SIL1: variants seen among roughly 807,000 people sequenced by gnomAD.
SIL1 encodes the protein SIL1 nucleotide exchange factor.
SIL1 carries 40 observed loss-of-function variants against 49.1 expected under a neutral mutation model. The observed-to-expected ratio is 0.81, with a 90% CI of 0.63 to 1.06. SIL1 has a LOEUF of 1.06. Among genes scored for constraint, SIL1 ranks in the 50% least tolerant of loss-of-function variants. The probability of loss-of-function intolerance (pLI) is 0.00; values close to 1 mark genes in which losing one functional copy is unlikely to be tolerated. For missense variants in SIL1, 500 were observed against 572.6 expected (o/e 0.87, Z 1.29); for synonymous variants, 253 against 250.8 (o/e 1.01, Z -0.08).
rs60694872 is a variant in SIL1, at chr5:139,106,139, G to GTA, written c.244+14894_244+14895dup. Among the ~76,000 whole-genome samples, 910 of 152,306 alleles carry GTA rather than the reference G, an allele frequency of 6.0e-3. 4 individuals are homozygous for GTA. The highest frequency in any genetic ancestry group is 0.02 in the African/African-American group (837 of 41,568). On this transcript the variant is annotated intron_variant, in intron 3 of 9. Transcript: ENST00000394817. ...TGCTAGTGCTCTAGCCTGAGCAAAG[G>GTA]TATAGCAAAAGGCTTGATTTCCAGC...
intron 1 of SIL1, chr5:139,128,139 G>C (rs891851780): frequency 1.4e-5 from 6 of 417,230 alleles, no homozygotes; most frequent in African/African-American, 1.2e-4. Context: ...CTTGTTATCA[G>C]GTTGTGGCGG....
At chr5:139,012,247 G>C (rs1392169043) in intron 7 of SIL1, 1 of 151,904 alleles carries the variant, frequency 6.6e-6, no homozygotes, top group African/African-American at 2.4e-5. Context: ...TAGAGACGGG[G>C]TCTCCTTATG....
At chr5:139,065,053 G>A (rs189102972) in intron 3 of SIL1, among the ~76,000 whole-genome samples, 13 of 152,264 alleles carry the variant, frequency 8.5e-5, no homozygotes, top group Non-Finnish European at 1.8e-4. Flanking sequence ...AGTGTTAATC[G>A]GCTCTCAATA....
At chr5:139,041,909 G>A (rs1769057315) in intron 5 of SIL1, among the ~76,000 whole-genome samples, 2 of 151,934 alleles carry the variant, frequency 1.3e-5, no homozygotes, top group Admixed American at 6.5e-5. Context: ...ATCAGAGAAG[G>A]TTCTTTCAAA....
In SIL1 at chr5:139,057,316, A is replaced by T. The variant is rs1020712799; in HGVS notation, c.245-6270T>A. The stretch of plus-strand genomic sequence containing the variant: ...GAGAAACACCCAAGAATGATCAATA[A>T]AAAAAAAAAAAAGAAAAGAAAAGAA... On this transcript the variant is annotated intron_variant, in intron 3 of 9. Coordinates refer to ENST00000394817, the MANE Select transcript of SIL1 (RefSeq NM_022464.5). Among the ~76,000 whole-genome samples the T allele has an allele frequency of 1.4e-5, 2 of 141,574 alleles. 1 individual carries two copies. The highest frequency in any genetic ancestry group is 5.3e-5 in the African/African-American group (2 of 38,038). 92.9% of individuals were successfully genotyped at this position (141,574 alleles called of 152,430 possible). A position where few individuals can be genotyped will look rare whatever the true frequency, so the allele number is the denominator to read the frequency against.
intron 3 of SIL1, among the ~76,000 whole-genome samples, chr5:139,104,914 C>A (rs1561863702): frequency 6.6e-6 from 1 of 152,106 alleles, no homozygotes; most frequent in Admixed American, 6.6e-5. Context: ...CTTTTCCTGA[C>A]AGATACTGAA....
chr5:139,097,184 C>CT (rs1770486127), intron 3 of SIL1, among the ~76,000 whole-genome samples: 1 of 151,958 alleles, frequency 6.6e-6, no homozygotes, highest in Admixed American at 6.6e-5. Context: ...AGGTAGATGT[C>CT]TAAGGTTTTT....
At chr5:139,015,410 G>A (rs1768377137) in intron 7 of SIL1, among the ~76,000 whole-genome samples, 1 of 152,038 alleles carries the variant, frequency 6.6e-6, no homozygotes, top group South Asian at 2.1e-4. Context: ...ATGAATATAT[G>A]CTCAGTTGCA....
chr5:139,116,435 T>C (rs1244141692), intron 3 of SIL1, among the ~76,000 whole-genome samples: 1 of 152,072 alleles, frequency 6.6e-6, no homozygotes, highest in East Asian at 1.9e-4. Flanking sequence ...TGGAGTCAGA[T>C]CAGGTCAATA....
intron 1 of SIL1, among the ~76,000 whole-genome samples, chr5:139,154,961 CA>C (rs1751379757): frequency 6.6e-6 from 1 of 152,108 alleles, no homozygotes; most frequent in Non-Finnish European, 1.5e-5. Flanking sequence ...GTATGAAAAA[CA>C]AGATTGAAAT....
chr5:139,021,204 T>C lies in SIL1; in HGVS notation c.734A>G (p.Tyr245Cys). The C allele has an allele frequency of 2.5e-6, 4 of 1,614,140 alleles. No individual in the cohort carries two copies. The highest frequency in any genetic ancestry group is 3.4e-6 in the Non-Finnish European group (4 of 1,180,020). The change falls in exon 7 of 10, where the codon TAT becomes TGT. Residue 245 changes from tyrosine to cysteine, a missense_variant. Coordinates refer to ENST00000394817, the MANE Select transcript of SIL1 (RefSeq NM_022464.5). ...LNSTEPLVKE[Y>C]AAFVLGAAFS... ...GGCAGCGCCCAGCACAAACGCAGCA[T>C]ACTCCTTCACGAGGGGCTCTGTGCT...
rs1165219046 is a variant in SIL1, at chr5:139,027,132, C to T, written c.454-140G>A. 4 of 780,086 alleles carry T rather than the reference C, an allele frequency of 5.1e-6. No individual in the cohort carries two copies. In the South Asian group the frequency reaches 6.4e-5, roughly 13 times the overall value. The allele number at this position is 780,086 out of a possible 1,614,324, so 48.3% of individuals were successfully genotyped here. A position where few individuals can be genotyped will look rare whatever the true frequency, so the allele number is the denominator to read the frequency against. ...TCTCTCATCTATGCTATCAAAAATACTAATACTTTCTAAGATGCCCAGAGA... is the reference window on the plus strand; with the variant it reads ...TCTCTCATCTATGCTATCAAAAATATTAATACTTTCTAAGATGCCCAGAGA... On this transcript the variant is annotated intron_variant, in intron 5 of 9. Coordinates refer to ENST00000394817, the MANE Select transcript of SIL1 (RefSeq NM_022464.5).
At chr5:139,176,723 C>T (rs972103255) in intron 1 of SIL1, among the ~76,000 whole-genome samples, 1 of 151,994 alleles carries the variant, frequency 6.6e-6, no homozygotes, top group African/African-American at 2.4e-5. Flanking sequence ...TAATCCTATT[C>T]ATGAGGGTGG....
chr5:139,130,354 T>C (rs1333002287), intron 1 of SIL1, among the ~76,000 whole-genome samples: 1 of 152,084 alleles, frequency 6.6e-6, no homozygotes, highest in Non-Finnish European at 1.5e-5. Context: ...GATATACAAA[T>C]GGCCAATAGG....
At chr5:139,128,268 T>C (rs1484095698) in intron 1 of SIL1, among the ~76,000 whole-genome samples, 1 of 152,208 alleles carries the variant, frequency 6.6e-6, no homozygotes, top group Non-Finnish European at 1.5e-5. Flanking sequence ...CCCATTATCC[T>C]ACCTGAAGAC....
intron 3 of SIL1, among the ~76,000 whole-genome samples, chr5:139,099,098 T>A (rs1770531834): frequency 6.6e-6 from 1 of 152,094 alleles, no homozygotes; most frequent in African/African-American, 2.4e-5. Flanking sequence ...ATTACAGGTG[T>A]GAGCCACCAC....
At chr5:139,137,193 C>G in intron 1 of SIL1, 1 of 582,054 alleles carries the variant, frequency 1.7e-6, no homozygotes, top group South Asian at 2.2e-5. Flanking sequence ...TAATTATAGT[C>G]AACATTTATA....
At chr5:139,069,286 T>G (rs1373032672) in intron 3 of SIL1, among the ~76,000 whole-genome samples, 1 of 150,064 alleles carries the variant, frequency 6.7e-6, no homozygotes, top group East Asian at 2.0e-4. Context: ...AGATTCTGCC[T>G]CTAAAAAAAA....
intron 7 of SIL1, among the ~76,000 whole-genome samples, chr5:139,005,409 A>G (rs1485575066): frequency 6.6e-6 from 1 of 150,450 alleles, no homozygotes; most frequent in African/African-American, 2.4e-5. Flanking sequence ...TTTACTACCT[A>G]TAATTTTTTA....
Sources: gnomAD v4.1 joint callset for allele counts (sites outside exome capture counted in the v4.1 genomes callset) on GRCh38, gnomAD v4.1.1 for gene constraint, MANE v1.5 for transcripts, NCBI Gene and HGNC (gene_info 2026-07-23, HGNC 2026-07-21) for gene names.